The following TTC8 variants were observed in gnomAD, a reference collection of about 807,000 sequenced individuals.
The protein encoded by TTC8 is tetratricopeptide repeat protein 8.
TTC8 carries 47 observed loss-of-function variants against 72.5 expected under a neutral mutation model. The ratio of observed to expected loss-of-function variants is 0.65; its 90% confidence interval spans 0.51 to 0.83. TTC8 has a LOEUF of 0.83. TTC8 is among the 40% of genes least tolerant of loss of function. TTC8 has a pLI of 0.00. For synonymous variants in TTC8, 199 were observed against 221.4 expected (o/e 0.90, Z 0.90); for missense variants, 611 against 623.2 (o/e 0.98, Z 0.21).
At chr14:88,834,614 T>C (rs1053468805) in intron 2 of TTC8, among the ~76,000 whole-genome samples, 27 of 152,196 alleles carry the variant, frequency 1.8e-4, no homozygotes, top group African/African-American at 6.5e-4. Flanking sequence ...GGTTAAAATG[T>C]GGCACTGTGT....
At chr14:88,844,165 T>C (rs1304011558) in intron 7 of TTC8, among the ~76,000 whole-genome samples, 2 of 152,234 alleles carry the variant, frequency 1.3e-5, no homozygotes, top group African/African-American at 2.4e-5. Flanking sequence ...GATCTGTTTA[T>C]TTCCTTAGTC....
rs538993771 is a variant in TTC8, at chr14:88,872,205, A to G, written c.1225-125A>G. The G allele has an allele frequency of 9.9e-5, 134 of 1,352,908 alleles. 1 individual carries two copies. In the African/African-American group the frequency reaches 1.6e-3, roughly 16 times the overall value. The allele number at this position is 1,352,908 out of a possible 1,614,324, so 83.8% of individuals were successfully genotyped here. On this transcript the variant is annotated intron_variant, in intron 12 of 14. Transcript: ENST00000380656. ...TTAAATCCACTTACGTAGAATTCAC[A>G]TTGACTTCTATAATTGTATGGTACT...
At chr14:88,840,335 A>G (rs1411695127) in intron 3 of TTC8, 2 of 159,374 alleles carry the variant, frequency 1.3e-5, no homozygotes, top group Non-Finnish European at 2.8e-5. Flanking sequence ...TCAGTCATTT[A>G]TATCTTTTGG....
Position 88,868,021 on chromosome 14 carries a change from T to A in TTC8, c.910-2038T>A, listed in dbSNP as rs533509027. ...CCTGTTCTCCATGTTGAGAACCAAC[T>A]GAGAGAGAGATACAAGATTTCGACA... On this transcript the variant is annotated intron_variant, in intron 10 of 14. Transcript: ENST00000380656. Among the ~76,000 whole-genome samples the A allele has an allele frequency of 1.5e-3, 236 of 152,306 alleles. 1 individual carries two copies. Among genetic ancestry groups the A allele is most frequent in the African/African-American group, 5.5e-3 (228 of 41,562 alleles).
intron 6 of TTC8, among the ~76,000 whole-genome samples, chr14:88,843,340 T>C (rs939633555): frequency 2.6e-5 from 4 of 152,216 alleles, no homozygotes; most frequent in Admixed American, 2.0e-4. Flanking sequence ...TTCTGAATCA[T>C]AGAGTTACTA....
At chr14:88,863,788 AT>A (rs1335525819) in intron 10 of TTC8, among the ~76,000 whole-genome samples, 2 of 152,292 alleles carry the variant, frequency 1.3e-5, no homozygotes, top group African/African-American at 4.8e-5. Context: ...TTTCTATTTG[AT>A]TACTTCTGGC....
upstream of TTC8, chr14:88,824,613 G>A (rs2094689331): frequency 5.0e-6 from 5 of 1,009,566 alleles, no homozygotes; most frequent in Admixed American, 2.0e-5. Context: ...CCCAGCCGTC[G>A]CGGGTTGCCG....
At chr14:88,853,533 C>T (rs1377403274) in intron 8 of TTC8, among the ~76,000 whole-genome samples, 4 of 152,150 alleles carry the variant, frequency 2.6e-5, no homozygotes, top group Admixed American at 6.5e-5. Flanking sequence ...TAGTGGCTAT[C>T]GTTAGTCCTT....
intron 13 of TTC8, among the ~76,000 whole-genome samples, chr14:88,873,465 G>A (rs983591986): frequency 6.6e-6 from 1 of 152,114 alleles, no homozygotes; most frequent in Non-Finnish European, 1.5e-5. Flanking sequence ...TCATATATAT[G>A]TGTAGGATGT....
At chr14:88,828,418 G>A (rs1329006764) in intron 1 of TTC8, among the ~76,000 whole-genome samples, 1 of 152,132 alleles carries the variant, frequency 6.6e-6, no homozygotes, top group Non-Finnish European at 1.5e-5. Flanking sequence ...TTAGCCTCAT[G>A]GGCATTTACT....
At chr14:88,845,242 C>G (rs2094800709) in intron 7 of TTC8, among the ~76,000 whole-genome samples, 1 of 151,898 alleles carries the variant, frequency 6.6e-6, no homozygotes, top group Non-Finnish European at 1.5e-5. Context: ...ATGCTAGGGA[C>G]AAAGGAAAGA....
chr14:88,827,330 A>G (rs2140949879), intron 1 of TTC8, among the ~76,000 whole-genome samples: 1 of 152,338 alleles, frequency 6.6e-6, no homozygotes, highest in East Asian at 1.9e-4. Flanking sequence ...TTTATGAGCA[A>G]GGGTTGATAT....
intron 11 of TTC8, among the ~76,000 whole-genome samples, chr14:88,870,499 A>G (rs951949023): frequency 6.6e-6 from 1 of 152,238 alleles, no homozygotes; most frequent in African/African-American, 2.4e-5. Context: ...AAAACTTATC[A>G]TCATCATTGC....
At chr14:88,866,405 A>G (rs1350030800) in intron 10 of TTC8, among the ~76,000 whole-genome samples, 2 of 151,568 alleles carry the variant, frequency 1.3e-5, no homozygotes, top group African/African-American at 4.9e-5. Context: ...ACACACACAC[A>G]CACACACACG....
At chr14:88,865,107 G>A (rs575975522) in intron 10 of TTC8, among the ~76,000 whole-genome samples, 1 of 152,182 alleles carries the variant, frequency 6.6e-6, no homozygotes, top group East Asian at 1.9e-4. Flanking sequence ...TTTTCTTGAG[G>A]TATTTTGTTT....
chr14:88,875,329 T>C (rs1350754974), intron 14 of TTC8, among the ~76,000 whole-genome samples: 1 of 152,198 alleles, frequency 6.6e-6, no homozygotes, highest in African/African-American at 2.4e-5. Flanking sequence ...CCATTATAGA[T>C]TATAGAATTA....
chr14:88,839,459 G>T lies in TTC8; in HGVS notation c.152G>T (p.Trp51Leu), dbSNP rs553686355. 27 of 1,612,854 alleles carry T rather than the reference G, an allele frequency of 1.7e-5. No homozygotes were observed. The South Asian group carries it at 2.5e-4, about 15-fold the overall frequency. The stretch of plus-strand genomic sequence containing the variant: ...TTTATCCATGGGTTTTAGGCAGCTT[G>T]GATCTTAAAAGCAAGAGCGCTAACA... ...DPELPVHQAAWILKARALTEM... is the reference protein window; with the variant it reads ...DPELPVHQAALILKARALTEM... Residue 51 changes from tryptophan (W) to leucine (L), a missense_variant, in exon 3 of 15, where the codon TGG becomes TTG. Physicochemically the swap from Trp to Leu is moderately conservative, Grantham distance 61 (BLOSUM62 -2). Transcript: ENST00000380656.
chr14:88,832,009 G>A (rs1392036929), intron 1 of TTC8, among the ~76,000 whole-genome samples: 1 of 151,998 alleles, frequency 6.6e-6, no homozygotes, highest in South Asian at 2.1e-4. Context: ...TGTGTTCTTG[G>A]CCTCATACCC....
At chr14:88,866,988 A>T (rs1405022159) in intron 10 of TTC8, among the ~76,000 whole-genome samples, 1 of 152,228 alleles carries the variant, frequency 6.6e-6, no homozygotes, top group African/African-American at 2.4e-5. Flanking sequence ...ATAATTAAAG[A>T]TATAAAAAAC....
Sources: gnomAD v4.1 joint callset for allele counts (sites outside exome capture counted in the v4.1 genomes callset) on GRCh38, gnomAD v4.1.1 for gene constraint, MANE v1.5 for transcripts, NCBI Gene and HGNC (gene_info 2026-07-23, HGNC 2026-07-21) for gene names.